The following TULP4 variants were observed in gnomAD, a reference collection of about 807,000 sequenced individuals.
TULP4 encodes TUB like protein 4.
In TULP4, 16 loss-of-function variants were observed where a neutral mutation model predicts 129.0. The ratio of observed to expected loss-of-function variants is 0.12; its 90% CI spans 0.08 to 0.19. The LOEUF is 0.19. TULP4 is among the 10% of genes least tolerant of loss of function. The probability of loss-of-function intolerance (pLI) is 1.00; values close to 1 mark genes in which losing one functional copy is unlikely to be tolerated. For missense variants in TULP4, 1,842 were observed against 2,059.1 expected (o/e 0.89, Z 2.04); for synonymous variants, 998 against 854.0 (o/e 1.17, Z -2.94).
intron 1 of TULP4, chr6:158,238,102 A>G: frequency 1.4e-6 from 1 of 726,252 alleles, no homozygotes; most frequent in African/African-American, 1.7e-5. Context: ...ATGGTCACTA[A>G]TGCAGACACC....
intron 8 of TULP4, among the ~76,000 whole-genome samples, chr6:158,484,783 C>A (rs550637800): frequency 6.6e-6 from 1 of 152,232 alleles, no homozygotes; most frequent in Admixed American, 6.5e-5. Context: ...CCTCCATAAT[C>A]GAATGGACCA....
At chr6:158,444,097 G>A (rs943109297) in intron 3 of TULP4, among the ~76,000 whole-genome samples, 6 of 151,774 alleles carry the variant, frequency 4.0e-5, no homozygotes, top group African/African-American at 1.5e-4. Context: ...GCGCAAGCCT[G>A]TAGTCCCAGC....
chr6:158,418,343 G>A lies in TULP4; in HGVS notation c.381+5150G>A, dbSNP rs377153279. On this transcript the variant is annotated intron_variant, in intron 2 of 13. Coordinates refer to ENST00000367097, the MANE Select transcript of TULP4 (RefSeq NM_020245.5). ...GGCTGTTCTTGAACTCCTGGGCTCA[G>A]GTGATCCACCCGTCTTGGCCTCCCA... 7.7e-4 allele frequency among the ~76,000 whole-genome samples: 116 copies of A among 151,194 alleles called. 1 individual carries two copies. Among genetic ancestry groups the A allele is most frequent in the African/African-American group, 2.6e-3 (108 of 41,224 alleles).
chr6:158,501,011 G>A (rs1334259979), intron 12 of TULP4, among the ~76,000 whole-genome samples: 1 of 152,140 alleles, frequency 6.6e-6, no homozygotes, highest in East Asian at 1.9e-4. Context: ...CCCAGGAGGT[G>A]GAGGTTGCAG....
chr6:158,399,062 A>G (rs1777784942), intron 1 of TULP4, among the ~76,000 whole-genome samples: 1 of 152,180 alleles, frequency 6.6e-6, no homozygotes. Context: ...TATAAAATAG[A>G]TGCTTTTCTC....
At chr6:158,400,658 A>G (rs1777821659) in intron 1 of TULP4, among the ~76,000 whole-genome samples, 1 of 152,126 alleles carries the variant, frequency 6.6e-6, no homozygotes, top group African/African-American at 2.4e-5. Context: ...CTTATGCTTA[A>G]TTTGTTTTAT....
chr6:158,379,033 G>C (rs1777265887), intron 1 of TULP4, among the ~76,000 whole-genome samples: 1 of 152,200 alleles, frequency 6.6e-6, no homozygotes, highest in Non-Finnish European at 1.5e-5. Flanking sequence ...CTGTCCTTAG[G>C]AGGTCCAGAG....
At chr6:158,334,002 T>C (rs1779976039) in intron 1 of TULP4, among the ~76,000 whole-genome samples, 1 of 152,228 alleles carries the variant, frequency 6.6e-6, no homozygotes, top group South Asian at 2.1e-4. Flanking sequence ...GCTATTGCAA[T>C]GAGCTCCAGT....
intron 5 of TULP4, among the ~76,000 whole-genome samples, chr6:158,455,090 C>T (rs1779264160): frequency 6.3e-5 from 1 of 15,978 alleles, no homozygotes; most frequent in Admixed American, 7.1e-4. Context: ...TTTTTTGAGA[C>T]GGAGTCTCGC....
chr6:158,381,490 A>T (rs1562543084), intron 1 of TULP4, among the ~76,000 whole-genome samples: 1 of 152,260 alleles, frequency 6.6e-6, no homozygotes, highest in East Asian at 1.9e-4. Context: ...TTTTGTCATC[A>T]AATGAATTAG....
At chr6:158,284,115 AAG>A (rs1778800909) in intron 1 of TULP4, among the ~76,000 whole-genome samples, 1 of 152,190 alleles carries the variant, frequency 6.6e-6, no homozygotes, top group Non-Finnish European at 1.5e-5. Flanking sequence ...GGTGGGGAAA[AAG>A]AGAAAGAGGA....
intron 7 of TULP4, 34 bp from the exon 8 acceptor site, chr6:158,481,021 T>G (rs1779930017): frequency 6.6e-7 from 1 of 1,524,826 alleles, no homozygotes; most frequent in African/African-American, 1.4e-5. Context: ...CTCTCTGGAG[T>G]CCCAGCTCTT....
At chr6:158,306,718 A>G (rs574253035) in intron 1 of TULP4, among the ~76,000 whole-genome samples, 1 of 152,252 alleles carries the variant, frequency 6.6e-6, no homozygotes, top group South Asian at 2.1e-4. Context: ...GATATTTACC[A>G]TATTAGAAAT....
At chr6:158,482,894 A>G (rs1187254893) in intron 8 of TULP4, among the ~76,000 whole-genome samples, 1 of 152,188 alleles carries the variant, frequency 6.6e-6, no homozygotes, top group African/African-American at 2.4e-5. Context: ...TGACCCGACT[A>G]CGCCAAATGC....
At chr6:158,489,873 G>T in intron 9 of TULP4, 141 bp downstream of exon 9, 1 of 1,088,008 alleles carries the variant, frequency 9.2e-7, no homozygotes, top group Non-Finnish European at 1.3e-6. Context: ...ATTCCAGCTG[G>T]AATAATTACA....
chr6:158,333,426 C>T (rs1334888475), intron 1 of TULP4, among the ~76,000 whole-genome samples: 1 of 152,186 alleles, frequency 6.6e-6, no homozygotes, highest in Admixed American at 6.5e-5. Context: ...AGCACCTTAA[C>T]CTTGGACTTT....
chr6:158,343,548 T>C (rs1780234965), intron 1 of TULP4, among the ~76,000 whole-genome samples: 1 of 151,928 alleles, frequency 6.6e-6, no homozygotes, highest in Non-Finnish European at 1.5e-5. Context: ...CCTAGAGAGC[T>C]CGCACCCTCT....
chr6:158,274,263 A>C (rs1032278649), intron 1 of TULP4, among the ~76,000 whole-genome samples: 13 of 151,400 alleles, frequency 8.6e-5, no homozygotes, highest in African/African-American at 2.9e-4. Flanking sequence ...TTCTCAAAAA[A>C]ACAAAAACAA....
At chr6:158,240,799 A>G (rs1461154449) in intron 1 of TULP4, among the ~76,000 whole-genome samples, 2 of 137,568 alleles carry the variant, frequency 1.5e-5, no homozygotes, top group African/African-American at 5.4e-5. Flanking sequence ...CGGGGGGCTG[A>G]ACCCCCCACC....
Sources: gnomAD v4.1 joint callset for allele counts (sites outside exome capture counted in the v4.1 genomes callset) on GRCh38, gnomAD v4.1.1 for gene constraint, MANE v1.5 for transcripts, NCBI Gene and HGNC (gene_info 2026-07-23, HGNC 2026-07-21) for gene names.